The following CPVL variants were observed in gnomAD, a reference collection of about 807,000 sequenced individuals.
The protein encoded by CPVL is probable serine carboxypeptidase CPVL.
A neutral mutation model predicts 63.7 loss-of-function variants in CPVL; 51 were observed. The ratio of observed to expected loss-of-function variants is 0.80; its 90% confidence interval spans 0.64 to 1.01. CPVL has a LOEUF of 1.01. Ranked by LOEUF, CPVL falls within the 50% of genes least tolerant of loss-of-function variation. CPVL has a pLI of 0.00. For synonymous variants in CPVL, 195 were observed against 206.0 expected (o/e 0.95, Z 0.46); for missense variants, 530 against 573.1 (o/e 0.92, Z 0.77).
intron 12 of CPVL, among the ~76,000 whole-genome samples, chr7:29,022,997 T>C (rs1392033767): frequency 1.3e-5 from 2 of 152,226 alleles, no homozygotes; most frequent in African/African-American, 2.4e-5. Context: ...CAGTCACCTG[T>C]ATATGTACCA....
At chr7:29,096,455 T>A in intron 3 of CPVL, 1 of 542,142 alleles carries the variant, frequency 1.8e-6, no homozygotes, top group East Asian at 2.8e-5. Context: ...TCAAGTCTTT[T>A]CCCAACAAGA....
At chr7:29,077,822 A>AC (rs1392766946) in intron 7 of CPVL, among the ~76,000 whole-genome samples, 1 of 152,036 alleles carries the variant, frequency 6.6e-6, no homozygotes, top group Non-Finnish European at 1.5e-5. Context: ...CACACTGAAC[A>AC]CCCCAGGAAA....
intron 1 of CPVL, among the ~76,000 whole-genome samples, chr7:29,121,546 T>C (rs1293468916): frequency 6.6e-6 from 1 of 152,126 alleles, no homozygotes; most frequent in Non-Finnish European, 1.5e-5. Flanking sequence ...TGACCATAAA[T>C]GGGTGGTAGA....
At chr7:29,124,400 T>C (rs1297920072) in intron 1 of CPVL, among the ~76,000 whole-genome samples, 5 of 152,130 alleles carry the variant, frequency 3.3e-5, no homozygotes, top group Non-Finnish European at 5.9e-5. Context: ...AATAAATGTT[T>C]AGAAACAGAA....
At chr7:29,063,697 A>T (rs554131919) in intron 11 of CPVL, among the ~76,000 whole-genome samples, 3 of 152,168 alleles carry the variant, frequency 2.0e-5, no homozygotes, top group South Asian at 4.2e-4. Context: ...CAACCTCCCA[A>T]GTAGCTGGGA....
intron 11 of CPVL, among the ~76,000 whole-genome samples, chr7:29,039,951 T>C (rs1046332559): frequency 3.3e-5 from 5 of 152,210 alleles, no homozygotes; most frequent in African/African-American, 1.2e-4. Flanking sequence ...CCTTAATCTC[T>C]AACATTCTGT....
chr7:29,073,119 T>C (rs889061025), intron 7 of CPVL, among the ~76,000 whole-genome samples: 3 of 152,230 alleles, frequency 2.0e-5, no homozygotes, highest in Non-Finnish European at 4.4e-5. Context: ...TCTCCACTTG[T>C]ATGTCTAATA....
intron 11 of CPVL, among the ~76,000 whole-genome samples, chr7:29,036,434 C>T (rs964161588): frequency 2.0e-5 from 3 of 152,158 alleles, no homozygotes; most frequent in Non-Finnish European, 4.4e-5. Flanking sequence ...TCTAAATAAA[C>T]CTTCAGAATA....
rs1281780244 is a variant in CPVL at position 29,112,617 on chromosome 7, A to C, written c.288+87T>G. On this transcript the variant is annotated intron_variant, in intron 3 of 12. Transcript: ENST00000265394. ...AAAAATCTATGAGATTTTTTTTTAA[A>C]GACCTGTAGCTCGGTAGGCTAACAT... The C allele has an allele frequency of 3.3e-5, 26 of 777,448 alleles. No individual in the cohort carries two copies. The Admixed American group carries it at 6.0e-4, about 18-fold the overall frequency. The allele number at this position is 777,448 out of a possible 1,614,324, so 48.2% of individuals were successfully genotyped here. A position where few individuals can be genotyped will look rare whatever the true frequency, so the allele number is the denominator to read the frequency against.
chr7:29,101,800 A>C (rs1470585338), intron 3 of CPVL, among the ~76,000 whole-genome samples: 3 of 152,120 alleles, frequency 2.0e-5, no homozygotes, highest in East Asian at 3.9e-4. Context: ...CTCTACACAT[A>C]CACATATAGA....
At chr7:29,139,475 A>T (rs975961737) in intron 1 of CPVL, among the ~76,000 whole-genome samples, 1 of 151,326 alleles carries the variant, frequency 6.6e-6, no homozygotes, top group African/African-American at 2.4e-5. Flanking sequence ...CCCTGAACCT[A>T]CACATTTCTG....
At chr7:29,059,731 C>T (rs2128558553) in intron 11 of CPVL, among the ~76,000 whole-genome samples, 2 of 152,230 alleles carry the variant, frequency 1.3e-5, no homozygotes, top group Non-Finnish European at 2.9e-5. Context: ...TTGGCTGAGT[C>T]CTCTCCCCAC....
intron 11 of CPVL, among the ~76,000 whole-genome samples, chr7:29,049,041 G>A (rs922252328): frequency 4.0e-5 from 6 of 151,860 alleles, no homozygotes; most frequent in South Asian, 2.1e-4. Context: ...GTTCATAGCC[G>A]TAAACGCCTA....
chr7:29,044,493 G>A (rs915257509), intron 11 of CPVL, among the ~76,000 whole-genome samples: 9 of 152,054 alleles, frequency 5.9e-5, no homozygotes, highest in South Asian at 4.1e-4. Flanking sequence ...TAAACCTTTC[G>A]TATATCCTCT....
chr7:28,999,082 C>T (rs1168827489), intron 12 of CPVL, among the ~76,000 whole-genome samples: 2 of 151,742 alleles, frequency 1.3e-5, no homozygotes, highest in South Asian at 2.1e-4. Flanking sequence ...CATGGTGATG[C>T]ACGCCTGTAA....
At chr7:29,128,615 T>A (rs1194652589) in intron 1 of CPVL, among the ~76,000 whole-genome samples, 2 of 150,248 alleles carry the variant, frequency 1.3e-5, no homozygotes, top group Non-Finnish European at 3.0e-5. Context: ...ACTCATGAGG[T>A]TGAGGCAGGG....
At chr7:29,096,594 CAT>C (rs141660224) in intron 3 of CPVL, 11,963 of 247,856 alleles carry the variant, frequency 0.048, 385 homozygotes, top group East Asian at 0.13. Flanking sequence ...ATTTAACACA[CAT>C]ATTCCCAACA....
chr7:29,184,576 A>C (rs972350403), intron 3 of CPVL: 1 of 152,184 alleles, frequency 6.6e-6, no homozygotes, highest in Admixed American at 6.5e-5. Flanking sequence ...GCTGATGATC[A>C]GTCCAAAGGC....
chr7:28,994,750 T>TAA (rs142519467), downstream of CPVL, among the ~76,000 whole-genome samples: 9 of 152,300 alleles, frequency 5.9e-5, no homozygotes, highest in East Asian at 1.5e-3. Flanking sequence ...ATTAAAAGAA[T>TAA]AAACTCCATA....
Sources: gnomAD v4.1 joint callset for allele counts (sites outside exome capture counted in the v4.1 genomes callset) on GRCh38, gnomAD v4.1.1 for gene constraint, MANE v1.5 for transcripts, NCBI Gene and HGNC (gene_info 2026-07-23, HGNC 2026-07-21) for gene names.